The following CERS4 variants were observed in gnomAD, a reference collection of about 807,000 sequenced individuals.
CERS4 encodes LAG1 homolog, ceramide synthase 4.
In CERS4, 65 loss-of-function variants were observed where a neutral mutation model predicts 51.8. The observed-to-expected ratio is 1.26, with a 90% CI of 1.03 to 1.54. CERS4 has a LOEUF of 1.54. CERS4 is among the 40% of genes most tolerant of loss of function. CERS4 has a pLI of 0.00. For missense variants in CERS4, 563 were observed against 500.4 expected, an observed-to-expected ratio of 1.13 and a Z score of -1.19; for synonymous variants, 228 against 208.4, an observed-to-expected ratio of 1.09 and a Z score of -0.81.
chr19:8,259,883 T>C (rs901506750), intron 10 of CERS4, among the ~76,000 whole-genome samples: 7 of 152,090 alleles, frequency 4.6e-5, no homozygotes, highest in African/African-American at 1.7e-4. Flanking sequence ...TCCTGATGTT[T>C]GCAGGTCGAG....
intron 2 of CERS4, among the ~76,000 whole-genome samples, chr19:8,233,232 C>G (rs958455240): frequency 1.3e-5 from 2 of 151,934 alleles, no homozygotes; most frequent in African/African-American, 4.8e-5. Flanking sequence ...GTGCTGTGAT[C>G]TTAGCTCACT....
At chr19:8,248,019 C>T (rs757617807) in intron 2 of CERS4, among the ~76,000 whole-genome samples, 16 of 152,146 alleles carry the variant, frequency 1.1e-4, no homozygotes, top group Non-Finnish European at 1.6e-4. Context: ...CAGGTGTGAG[C>T]CACCGCACCT....
At chr19:8,231,933 T>G (rs1968029889) in intron 2 of CERS4, among the ~76,000 whole-genome samples, 1 of 146,612 alleles carries the variant, frequency 6.8e-6, no homozygotes, top group African/African-American at 2.5e-5. Context: ...GCTCAAAGGA[T>G]CCTCCCACCT....
At chr19:8,234,720 A>ATT (rs35957662) in intron 2 of CERS4, among the ~76,000 whole-genome samples, 1 of 150,338 alleles carries the variant, frequency 6.7e-6, no homozygotes, top group African/African-American at 2.4e-5. Flanking sequence ...TGCCCAGCTA[A>ATT]TTTTTGCATT....
chr19:8,240,184 C>A (rs1334048145), intron 2 of CERS4, among the ~76,000 whole-genome samples: 1 of 152,016 alleles, frequency 6.6e-6, no homozygotes, highest in African/African-American at 2.4e-5. Context: ...CAGCAAGCAG[C>A]AGTTGCTATG....
intron 9 of CERS4, among the ~76,000 whole-genome samples, chr19:8,257,493 G>A (rs1447604803): frequency 6.6e-6 from 1 of 152,124 alleles, no homozygotes; most frequent in Non-Finnish European, 1.5e-5. Flanking sequence ...GAGTGCAATG[G>A]CACACACTGC....
At chr19:8,236,698 A>G (rs1325561595) in intron 2 of CERS4, among the ~76,000 whole-genome samples, 10 of 22,708 alleles carry the variant, frequency 4.4e-4, no homozygotes, top group East Asian at 1.3e-3. Context: ...AAAAAAAAAA[A>G]AAAGAAAGAA....
rs762035079 is a variant in CERS4 at position 8,261,813 on chromosome 19, G to A, written c.974G>A (p.Arg325His). Reference sequence around the variant, plus strand: ...GTGTTCTGGTCTTGCCTCATTCTGCGCATGCTCTATAGCTTCATGAAGAAG... The same window carrying A: ...GTGTTCTGGTCTTGCCTCATTCTGCACATGCTCTATAGCTTCATGAAGAAG... Reference protein sequence around the residue: ...LHVFWSCLILRMLYSFMKKGQ... With the variant: ...LHVFWSCLILHMLYSFMKKGQ... Residue 325 changes from arginine (R) to histidine (H), a missense_variant, in exon 11 of 12, where the codon CGC (arginine) becomes CAC (histidine). Coordinates refer to ENST00000251363, the MANE Select transcript of CERS4 (RefSeq NM_024552.3). 1.7e-5 allele frequency: 27 copies of A among 1,614,122 alleles called. No individual in the cohort carries two copies. In the Admixed American group the frequency reaches 2.7e-4, roughly 16 times the overall value.
chr19:8,220,055 C>T (rs1159000296), intron 2 of CERS4, among the ~76,000 whole-genome samples: 2 of 152,044 alleles, frequency 1.3e-5, no homozygotes, highest in African/African-American at 2.4e-5. Flanking sequence ...GCTGCCCTCA[C>T]CCTGTTGTTT....
Position 8,251,158 on chromosome 19 carries a change from CG to C in CERS4, c.85del (p.Asp29MetfsTer36), listed in dbSNP as rs1969056920. ...TGTCACGTGGACAGAGCTAGAAGAC[CG>C]GGATGGCCGTGTCTACCCCCACCCC... ...PNVTWTELED[R>X]DGRVYPHPQD... On this transcript the variant is annotated frameshift_variant, in exon 3 of 12. Coordinates refer to ENST00000251363, the MANE Select transcript of CERS4 (RefSeq NM_024552.3). LOFTEE classifies it high-confidence loss of function. The C allele has an allele frequency of 6.2e-7, 1 of 1,613,370 alleles. No individual in the cohort carries two copies. The highest frequency in any genetic ancestry group is 8.5e-7 in the Non-Finnish European group (1 of 1,179,754).
At chr19:8,245,584 G>A (rs997713097) in intron 2 of CERS4, among the ~76,000 whole-genome samples, 9 of 151,698 alleles carry the variant, frequency 5.9e-5, no homozygotes, top group Admixed American at 5.9e-4. Context: ...CTCTCACCCA[G>A]GCTGGAGTGC....
intron 2 of CERS4, among the ~76,000 whole-genome samples, chr19:8,220,119 C>T (rs78284835): frequency 0.044 from 6,709 of 152,136 alleles, 490 homozygotes; most frequent in African/African-American, 0.15. Flanking sequence ...ATTTGCCCAC[C>T]GGCTCTCCTC....
chr19:8,237,808 G>A (rs934603924), intron 2 of CERS4, among the ~76,000 whole-genome samples: 3 of 151,674 alleles, frequency 2.0e-5, no homozygotes, highest in Admixed American at 6.6e-5. Context: ...CCGAGATTGC[G>A]CCACTGCACA....
chr19:8,241,487 A>C (rs1374578209), intron 2 of CERS4: 1 of 151,794 alleles, frequency 6.6e-6, no homozygotes, highest in Non-Finnish European at 1.5e-5. Context: ...CCTAATTTTT[A>C]AATTTTTTTG....
At chr19:8,235,316 C>T (rs1298009917) in intron 2 of CERS4, among the ~76,000 whole-genome samples, 8 of 150,692 alleles carry the variant, frequency 5.3e-5, no homozygotes, top group Non-Finnish European at 8.9e-5. Flanking sequence ...ATAATAGGGA[C>T]GAGGTTTCAC....
chr19:8,231,851 A>ATTTTTTTTTTTTTTTTTTTTTTTTT (rs3042169), intron 2 of CERS4, among the ~76,000 whole-genome samples: 7 of 104,410 alleles, frequency 6.7e-5, no homozygotes, highest in African/African-American at 2.1e-4. Flanking sequence ...TGTGCCCAGC[A>ATTTTTTTTTTTTTTTTTTTTTTTTT]TTTTTTTTTT....
rs147599379 is a variant in CERS4 at position 8,210,022 on chromosome 19, C to CCAGGAAACAGCAAGATTGTGTGG, written c.-159+532_-159+533insAAACAGCAAGATTGTGTGGCAGG. ...ACCAGCCAGCGAGGGCTTTTTAGGCCCAGGGCCTAGCCGGGAGTGTGTGCG... is the reference window on the plus strand; with the variant it reads ...ACCAGCCAGCGAGGGCTTTTTAGGCCCAGGAAACAGCAAGATTGTGTGGCAGGGCCTAGCCGGGAGTGTGTGCG... On this transcript the variant is annotated intron_variant, in intron 1 of 11. Coordinates refer to ENST00000251363, the MANE Select transcript of CERS4 (RefSeq NM_024552.3). This position sits in a 1 kb window ranked among gnomAD's most constrained non-coding sequence, Gnocchi z 4.2. The CCAGGAAACAGCAAGATTGTGTGG allele has an allele frequency of 0.47, 71,371 of 152,130 alleles. 17,260 individuals are homozygous for CCAGGAAACAGCAAGATTGTGTGG. The highest frequency in any genetic ancestry group is 0.53 in the African/African-American group (22,076 of 41,474). 9.4% of individuals were successfully genotyped at this position (152,130 alleles called of 1,614,324 possible). A position where few individuals can be genotyped will look rare whatever the true frequency, so the allele number is the denominator to read the frequency against.
chr19:8,242,765 T>C (rs74318934), intron 2 of CERS4, among the ~76,000 whole-genome samples: 3,215 of 152,216 alleles, frequency 0.021, 101 homozygotes, highest in East Asian at 0.13. Flanking sequence ...AAGGCTAGGA[T>C]GTGTGAAACG....
At chr19:8,257,544 C>T (rs2145328132) in intron 9 of CERS4, among the ~76,000 whole-genome samples, 1 of 152,328 alleles carries the variant, frequency 6.6e-6, no homozygotes, top group African/African-American at 2.4e-5. Flanking sequence ...TAATCTCCTG[C>T]CTCAGCTTCC....
Sources: gnomAD v4.1 joint callset for allele counts (sites outside exome capture counted in the v4.1 genomes callset) on GRCh38, gnomAD v4.1.1 for gene constraint, Gnocchi (gnomAD v3.1) non-coding constraint, MANE v1.5 for transcripts, NCBI Gene and HGNC (gene_info 2026-07-23, HGNC 2026-07-21) for gene names.